Variants in GALNTL6 observed in about 807,000 individuals in gnomAD.
GALNTL6 encodes polypeptide N-acetylgalactosaminyltransferase-like 6.
Under a neutral mutation model 73.7 loss-of-function variants are expected in GALNTL6, and 46 were observed. The ratio of observed to expected loss-of-function variants is 0.62; its 90% CI spans 0.49 to 0.80. The LOEUF is 0.80. GALNTL6 is among the 30% of genes least tolerant of loss of function. The pLI, the probability that GALNTL6 is intolerant of heterozygous loss-of-function variation, is 0.00. For missense variants in GALNTL6, 604 were observed against 755.0 expected (o/e 0.80, Z 2.34); for synonymous variants, 259 against 263.7 (o/e 0.98, Z 0.17).
At chr4:172,626,639 G>T (rs1015929977) in intron 5 of GALNTL6, among the ~76,000 whole-genome samples, 5 of 151,878 alleles carry the variant, frequency 3.3e-5, no homozygotes, top group African/African-American at 1.2e-4. Flanking sequence ...AGTATGAAAT[G>T]TTTTTCCATT....
At chr4:172,835,697 G>T (rs1742875908) in intron 7 of GALNTL6, among the ~76,000 whole-genome samples, 1 of 152,158 alleles carries the variant, frequency 6.6e-6, no homozygotes, top group Non-Finnish European at 1.5e-5. Context: ...ACTCCGATTG[G>T]TCAGGAAGTG....
At chr4:172,236,828 A>G (rs1459138259) in intron 3 of GALNTL6, among the ~76,000 whole-genome samples, 1 of 152,128 alleles carries the variant, frequency 6.6e-6, no homozygotes, top group African/African-American at 2.4e-5. Context: ...GATAATAAGC[A>G]TAGTATTCAA....
Position 172,865,074 on chromosome 4 carries a change from T to A in GALNTL6, c.924-17716T>A, listed in dbSNP as rs149285322. Among the ~76,000 whole-genome samples, 551 of 150,686 alleles carry A rather than the reference T, an allele frequency of 3.7e-3. 2 individuals carry two copies. Among genetic ancestry groups the A allele is most frequent in the Middle Eastern group, 6.8e-3 (2 of 292 alleles). ...TAACCTTTGATAACCTTTACAATAT[T>A]TTTTCAAGTTTGCCATGTGCCACCA... On this transcript the variant is annotated intron_variant, in intron 7 of 12. Coordinates refer to ENST00000506823, the MANE Select transcript of GALNTL6 (RefSeq NM_001034845.3).
chr4:172,049,345 A>C (rs1227312301), intron 2 of GALNTL6, among the ~76,000 whole-genome samples: 1 of 152,176 alleles, frequency 6.6e-6, no homozygotes, highest in Non-Finnish European at 1.5e-5. Context: ...AACAAAAAGA[A>C]ACAGTAGAGA....
intron 5 of GALNTL6, among the ~76,000 whole-genome samples, chr4:172,605,273 G>A (rs1011428795): frequency 3.2e-4 from 49 of 152,022 alleles, no homozygotes; most frequent in African/African-American, 1.2e-3. Flanking sequence ...ATCCCTCTAC[G>A]ATTTTCTATT....
intron 5 of GALNTL6, among the ~76,000 whole-genome samples, chr4:172,705,406 G>T: frequency 6.7e-6 from 1 of 148,806 alleles, no homozygotes; most frequent in African/African-American, 2.5e-5. Flanking sequence ...TATTTTAAAC[G>T]GATAACAACT....
intron 3 of GALNTL6, among the ~76,000 whole-genome samples, chr4:172,248,227 G>A (rs555890252): frequency 6.6e-5 from 10 of 152,214 alleles, no homozygotes; most frequent in South Asian, 2.1e-4. Flanking sequence ...TGAAAGTACC[G>A]AAAAGCAGAA....
At chr4:172,240,315 C>T (rs1029552677) in intron 3 of GALNTL6, among the ~76,000 whole-genome samples, 1 of 152,202 alleles carries the variant, frequency 6.6e-6, no homozygotes, top group African/African-American at 2.4e-5. Flanking sequence ...GCTCCGCCTC[C>T]TGGGTTCATG....
intron 7 of GALNTL6, among the ~76,000 whole-genome samples, chr4:172,866,850 G>A (rs1371674623): frequency 1.3e-5 from 2 of 152,154 alleles, no homozygotes; most frequent in Non-Finnish European, 2.9e-5. Context: ...TGTAGTATGG[G>A]CTTGTGCTAT....
chr4:172,371,544 G>C (rs1166262276), intron 5 of GALNTL6, among the ~76,000 whole-genome samples: 1 of 151,864 alleles, frequency 6.6e-6, no homozygotes, highest in African/African-American at 2.4e-5. Flanking sequence ...CTTTCTCTTT[G>C]ACTTCTTTGT....
intron 5 of GALNTL6, among the ~76,000 whole-genome samples, chr4:172,449,807 C>T (rs1171401681): frequency 6.6e-6 from 1 of 152,178 alleles, no homozygotes; most frequent in Non-Finnish European, 1.5e-5. Context: ...ATGTCTTTCA[C>T]CCAGAATATT....
At chr4:172,747,573 A>T (rs1737179079) in intron 5 of GALNTL6, among the ~76,000 whole-genome samples, 1 of 152,166 alleles carries the variant, frequency 6.6e-6, no homozygotes, top group Non-Finnish European at 1.5e-5. Context: ...ATGGTATTGT[A>T]AATTAGTATA....
chr4:172,969,982 G>T (rs966571728), intron 10 of GALNTL6, among the ~76,000 whole-genome samples: 1 of 152,128 alleles, frequency 6.6e-6, no homozygotes, highest in Non-Finnish European at 1.5e-5. Flanking sequence ...GCAGCCAGGG[G>T]TGACATCACG....
At position 172,705,418 on chromosome 4, in the gene GALNTL6, T is replaced by A. The variant is rs116789093; in HGVS notation, c.554-103943T>A. 4.8e-3 allele frequency among the ~76,000 whole-genome samples: 722 copies of A among 150,118 alleles called. 7 individuals are homozygous for A. Among genetic ancestry groups the A allele is most frequent in the African/African-American group, 0.017 (671 of 40,302 alleles). Reference sequence around the variant, plus strand: ...AGTTATTTTAAACGGATAACAACTTTATTTTGATCATAAAGAAAACAATAA... The same window carrying A: ...AGTTATTTTAAACGGATAACAACTTAATTTTGATCATAAAGAAAACAATAA... On this transcript the variant is annotated intron_variant, in intron 5 of 12. Transcript: ENST00000506823.
At chr4:172,776,747 T>A (rs976404659) in intron 5 of GALNTL6, among the ~76,000 whole-genome samples, 4 of 152,226 alleles carry the variant, frequency 2.6e-5, no homozygotes, top group African/African-American at 7.2e-5. Flanking sequence ...CTGTGCTTGG[T>A]CATGCTTGTT....
At chr4:172,345,366 A>G (rs1741705104) in intron 4 of GALNTL6, among the ~76,000 whole-genome samples, 1 of 152,208 alleles carries the variant, frequency 6.6e-6, no homozygotes, top group South Asian at 2.1e-4. Flanking sequence ...ACTAATTAGG[A>G]TGAGACCATT....
At chr4:172,491,170 C>A (rs1733879905) in intron 5 of GALNTL6, among the ~76,000 whole-genome samples, 1 of 152,068 alleles carries the variant, frequency 6.6e-6, no homozygotes, top group African/African-American at 2.4e-5. Context: ...TTAGTGTTCC[C>A]ACACCAGTAA....
At chr4:172,165,038 A>G (rs1442981131) in intron 2 of GALNTL6, among the ~76,000 whole-genome samples, 3 of 152,148 alleles carry the variant, frequency 2.0e-5, no homozygotes, top group Admixed American at 1.3e-4. Context: ...AATCTGGACT[A>G]TATGTCTTCA....
At chr4:171,903,775 C>G (rs548254011) in intron 2 of GALNTL6, among the ~76,000 whole-genome samples, 25 of 152,150 alleles carry the variant, frequency 1.6e-4, no homozygotes, top group Admixed American at 1.2e-3. Context: ...CAGTGGTTCT[C>G]CCAGCACGCA....
Sources: allele counts gnomAD v4.1 joint callset (sites outside exome capture counted in the v4.1 genomes callset), GRCh38; gene constraint gnomAD v4.1.1; transcripts MANE v1.5; gene names NCBI Gene and HGNC (gene_info 2026-07-23, HGNC 2026-07-21).